EFCAB7: variants seen among roughly 807,000 people sequenced by gnomAD.
EFCAB7 encodes EF-hand calcium binding domain 7.
Under a neutral mutation model 77.1 loss-of-function variants are expected in EFCAB7, and 66 were observed. The ratio of observed to expected loss-of-function variants is 0.86; its 90% CI spans 0.70 to 1.05. The LOEUF is 1.05. Ranked by LOEUF, EFCAB7 falls within the 50% of genes least tolerant of loss-of-function variation. The pLI is 0.00. For synonymous variants in EFCAB7, 225 were observed against 243.3 expected (o/e 0.92, Z 0.70); for missense variants, 638 against 730.5 (o/e 0.87, Z 1.46).
At chr1:63,555,581 T>TA in intron 9 of EFCAB7, 66 bp downstream of exon 9, 2 of 1,432,156 alleles carry the variant, frequency 1.4e-6, no homozygotes, top group Non-Finnish European at 1.9e-6. Context: ...TAGCCTGTGT[T>TA]ACTCCCTTTG....
intron 11 of EFCAB7, among the ~76,000 whole-genome samples, chr1:63,563,177 C>T (rs532624817): frequency 9.8e-5 from 15 of 152,294 alleles, no homozygotes; most frequent in African/African-American, 3.1e-4. Flanking sequence ...CTTTTTACCA[C>T]AGTTACTGAT....
chr1:63,556,873 CAA>C (rs35065020), intron 9 of EFCAB7, among the ~76,000 whole-genome samples: 21 of 123,884 alleles, frequency 1.7e-4, no homozygotes, highest in East Asian at 7.0e-4. Flanking sequence ...ACTAAAAATA[CAA>C]AAAAAAAAAA....
At position 63,531,899 on chromosome 1, in the gene EFCAB7, T is replaced by C; in HGVS notation, c.267T>C (p.Phe89=). The C allele has an allele frequency of 6.2e-7, 1 of 1,613,332 alleles. No individual in the cohort carries two copies. The highest frequency in any genetic ancestry group is 1.1e-5 in the South Asian group (1 of 91,018). The change falls in exon 3 of 14, where the codon TTT becomes TTC. Residue 89 remains phenylalanine, a synonymous_variant. Transcript: ENST00000371088. ...YWTPQTAKLN[F]DDFCIILRKE... ...CTCCTCAAACTGCCAAACTGAATTT[T>C]GATGATTTTTGTATAATTTTAAGGA...
intron 4 of EFCAB7, among the ~76,000 whole-genome samples, chr1:63,533,211 A>G (rs1646720168): frequency 6.6e-6 from 1 of 151,822 alleles, no homozygotes; most frequent in Non-Finnish European, 1.5e-5. Flanking sequence ...ATAATAAATC[A>G]CCTCTCCTTG....
intron 3 of EFCAB7, 73 bp from the exon 4 acceptor site, chr1:63,532,597 G>A: frequency 9.0e-7 from 1 of 1,105,662 alleles, no homozygotes; most frequent in Non-Finnish European, 1.3e-6. Context: ...ATTAAAATGT[G>A]CTTCCACTGT....
intron 10 of EFCAB7, among the ~76,000 whole-genome samples, chr1:63,557,872 A>G (rs1478588085): frequency 6.6e-6 from 1 of 152,208 alleles, no homozygotes; most frequent in Admixed American, 6.5e-5. Context: ...ATAGCCAACT[A>G]TAGATCACAG....
chr1:63,525,566 C>A lies in EFCAB7; in HGVS notation c.-1-6C>A. 6.8e-7 allele frequency: 1 copy of A among 1,468,810 alleles called. No individual in the cohort carries two copies. Among genetic ancestry groups the A allele is most frequent in the South Asian group, 1.5e-5 (1 of 66,912 alleles). The allele number at this position is 1,468,810 out of a possible 1,614,324, so 91.0% of individuals were successfully genotyped here. The stretch of plus-strand genomic sequence containing the variant: ...ACAAACACATTTTTAAATTATTTTC[C>A]AATAGAATGGCGATCAGTCCACGAA... On this transcript the variant is annotated splice_region_variant and splice_polypyrimidine_tract_variant and intron_variant, in intron 1 of 13. Coordinates refer to ENST00000371088, the MANE Select transcript of EFCAB7 (RefSeq NM_032437.4).
At position 63,544,170 on chromosome 1, in the gene EFCAB7, A is replaced by G. The variant is rs567416227; in HGVS notation, c.805-1746A>G. Among the ~76,000 whole-genome samples the G allele has an allele frequency of 2.9e-4, 44 of 151,858 alleles. 2 individuals are homozygous for G. The South Asian group carries it at 8.7e-3, about 30-fold the overall frequency. On this transcript the variant is annotated intron_variant, in intron 6 of 13. Coordinates refer to ENST00000371088, the MANE Select transcript of EFCAB7 (RefSeq NM_032437.4). ...TTTTAGTAGAGATGGTGTTTTGCCA[A>G]TGTTGGCCAGTCTGGTCTTGAAATT... is the stretch of plus-strand genomic sequence containing the variant.
At chr1:63,525,025 C>T (rs1646560299) in intron 1 of EFCAB7, among the ~76,000 whole-genome samples, 1 of 152,070 alleles carries the variant, frequency 6.6e-6, no homozygotes, top group Non-Finnish European at 1.5e-5. Flanking sequence ...CTTGTTGATC[C>T]TGCTGTGGAA....
Position 63,531,853 on chromosome 1 carries a change from A to C in EFCAB7, c.221A>C (p.Lys74Thr). 6.2e-7 allele frequency: 1 copy of C among 1,612,648 alleles called. No homozygotes were observed. The highest frequency in any genetic ancestry group is 1.7e-5 in the Admixed American group (1 of 59,834). ...LQHAGRNPSQ[K>T]TINKYWTPQT... ...CATGCAGGAAGAAATCCATCCCAAA[A>C]GACCATTAATAAGTATTGGACTCCT... is the stretch of plus-strand genomic sequence containing the variant. Residue 74 changes from lysine (K) to threonine (T), a missense_variant, in exon 3 of 14, where the codon AAG becomes ACG. Lys to Thr is a moderately conservative substitution (Grantham distance 78). Coordinates refer to ENST00000371088, the MANE Select transcript of EFCAB7 (RefSeq NM_032437.4).
At chr1:63,579,170 C>T in the EFCAB7 span, among the ~76,000 whole-genome samples, 1 of 152,130 alleles carries the variant, frequency 6.6e-6, no homozygotes, top group African/African-American at 2.4e-5. Context: ...CAGAGCAGTC[C>T]CATCACTAAA....
chr1:63,572,864 T>C (rs888088866), downstream of EFCAB7, among the ~76,000 whole-genome samples: 1 of 152,078 alleles, frequency 6.6e-6, no homozygotes, highest in African/African-American at 2.4e-5. Flanking sequence ...AAAATTACAG[T>C]CAAAGGGGTT....
At chr1:63,530,788 A>G (rs1417414668) in intron 2 of EFCAB7, among the ~76,000 whole-genome samples, 1 of 152,238 alleles carries the variant, frequency 6.6e-6, no homozygotes, top group Non-Finnish European at 1.5e-5. Context: ...GTACCTAGCA[A>G]AGATGAACAT....
At chr1:63,566,217 G>A (rs1459053110) in intron 11 of EFCAB7, among the ~76,000 whole-genome samples, 1 of 152,200 alleles carries the variant, frequency 6.6e-6, no homozygotes, top group Non-Finnish European at 1.5e-5. Flanking sequence ...GGAGCTGGAA[G>A]CCATTATCCT....
chr1:63,550,841 A>G (rs1646955870), intron 7 of EFCAB7, among the ~76,000 whole-genome samples: 1 of 149,608 alleles, frequency 6.7e-6, no homozygotes, highest in Non-Finnish European at 1.5e-5. Flanking sequence ...GTGAGAAAAG[A>G]AAAGAGTTAA....
rs576908685 is a variant in EFCAB7 at position 63,545,928 on chromosome 1, A to G, written c.817A>G (p.Met273Val). The change falls in exon 7 of 14, where the codon ATG (methionine) becomes GTG (valine). Residue 273 changes from methionine to valine, a missense_variant. Physicochemically the swap from Met to Val is conservative, Grantham distance 21. Transcript: ENST00000371088. ...EPNLIKDWQHMQSKGCFFLEE... is the reference protein window; with the variant it reads ...EPNLIKDWQHVQSKGCFFLEE... ...TCCTTCATTTCAGGACTGGCAACAC[A>G]TGCAATCAAAAGGTTGCTTCTTCTT... 1.4e-5 allele frequency: 23 copies of G among 1,613,442 alleles called. 1 individual carries two copies. The East Asian group carries it at 4.7e-4, about 33-fold the overall frequency.
chr1:63,543,497 T>C (rs1490018222), intron 6 of EFCAB7, among the ~76,000 whole-genome samples: 1 of 152,210 alleles, frequency 6.6e-6, no homozygotes, highest in East Asian at 1.9e-4. Context: ...AAGGTCAGTA[T>C]TAGAAAGGAT....
chr1:63,567,454 C>CA (rs973951536), intron 11 of EFCAB7, among the ~76,000 whole-genome samples: 128 of 138,998 alleles, frequency 9.2e-4, no homozygotes, highest in Middle Eastern at 7.1e-3. Context: ...ACTCCATCTC[C>CA]AAAAAAAAAA....
At position 63,523,597 on chromosome 1, in the gene EFCAB7, GA is replaced by G. The variant is rs1646515850; in HGVS notation, c.-37del. The G allele has an allele frequency of 1.1e-5, 2 of 184,312 alleles. No individual in the cohort carries two copies. The highest frequency in any genetic ancestry group is 2.0e-4 in the South Asian group (2 of 10,238). 11.4% of individuals were successfully genotyped at this position (184,312 alleles called of 1,614,324 possible). Reference sequence around the variant, plus strand: ...GAGAGGAACGCTGAATCGCCGAAGAGAATTGGCTGCGCTTCCTTGTTTGTGA... The same window carrying G: ...GAGAGGAACGCTGAATCGCCGAAGAGATTGGCTGCGCTTCCTTGTTTGTGA... On this transcript the variant is annotated 5_prime_UTR_variant, in exon 1 of 14. Transcript: ENST00000371088.
Sources: gnomAD v4.1 joint callset for allele counts (sites outside exome capture counted in the v4.1 genomes callset) on GRCh38, gnomAD v4.1.1 for gene constraint, MANE v1.5 for transcripts, NCBI Gene and HGNC (gene_info 2026-07-23, HGNC 2026-07-21) for gene names.